SNX29: variants seen among roughly 807,000 people sequenced by gnomAD.
SNX29 encodes sorting nexin 29.
Under a neutral mutation model 102.1 loss-of-function variants are expected in SNX29, and 78 were observed. The ratio of observed to expected loss-of-function variants is 0.76; its 90% CI spans 0.64 to 0.92. SNX29 has a LOEUF of 0.92. SNX29 is among the 40% of genes least tolerant of loss of function. SNX29 has a pLI of 0.00. For synonymous variants in SNX29, 580 were observed against 414.5 expected (o/e 1.40, Z -4.85); for missense variants, 1,280 against 1,061.7 (o/e 1.21, Z -2.86).
intron 13 of SNX29, among the ~76,000 whole-genome samples, chr16:12,186,316 A>G (rs1417660258): frequency 3.3e-5 from 5 of 152,196 alleles, no homozygotes; most frequent in African/African-American, 1.2e-4. Context: ...CTTCCTGCAG[A>G]GCGACTAGTT....
At chr16:12,169,728 G>A (rs985747772) in intron 13 of SNX29, among the ~76,000 whole-genome samples, 1 of 152,116 alleles carries the variant, frequency 6.6e-6, no homozygotes, top group African/African-American at 2.4e-5. Flanking sequence ...GGGAATGGTT[G>A]TGTGTGCCTG....
At chr16:12,245,533 T>C (rs1008546812) in intron 14 of SNX29, among the ~76,000 whole-genome samples, 5 of 151,988 alleles carry the variant, frequency 3.3e-5, no homozygotes, top group African/African-American at 7.3e-5. Flanking sequence ...GTTATATTTA[T>C]GGGGCAGAAG....
At chr16:11,991,518 G>A (rs2055846527) in intron 1 of SNX29, among the ~76,000 whole-genome samples, 1 of 151,720 alleles carries the variant, frequency 6.6e-6, no homozygotes, top group Non-Finnish European at 1.5e-5. Context: ...ATAAATATAT[G>A]TAAATTTATT....
chr16:12,183,753 G>A (rs2076446890), intron 13 of SNX29, among the ~76,000 whole-genome samples: 1 of 152,218 alleles, frequency 6.6e-6, no homozygotes, highest in African/African-American at 2.4e-5. Flanking sequence ...TGAGATAGGA[G>A]GTCGGCACAA....
intron 20 of SNX29, among the ~76,000 whole-genome samples, chr16:12,532,905 C>G (rs138578891): frequency 6.6e-6 from 1 of 152,216 alleles, no homozygotes; most frequent in African/African-American, 2.4e-5. Flanking sequence ...AGCCCCAGAG[C>G]GTTAAGAACA....
intron 18 of SNX29, among the ~76,000 whole-genome samples, chr16:12,411,913 G>A (rs2084412218): frequency 1.3e-5 from 2 of 152,134 alleles, no homozygotes; most frequent in Admixed American, 6.5e-5. Flanking sequence ...GGAAGGAAAC[G>A]GAAAAAGATT....
At chr16:12,420,963 C>G (rs555110851) in intron 18 of SNX29, among the ~76,000 whole-genome samples, 1 of 152,336 alleles carries the variant, frequency 6.6e-6, no homozygotes, top group African/African-American at 2.4e-5. Context: ...GAGATAATGC[C>G]TGTTAGTCCT....
At chr16:12,102,645 C>A (rs558118051) in intron 11 of SNX29, among the ~76,000 whole-genome samples, 1 of 152,080 alleles carries the variant, frequency 6.6e-6, no homozygotes, top group East Asian at 1.9e-4. Context: ...CTTTGAAAAC[C>A]GGCACAAGAC....
intron 19 of SNX29, among the ~76,000 whole-genome samples, chr16:12,505,197 G>C (rs987319708): frequency 6.6e-6 from 1 of 152,166 alleles, no homozygotes; most frequent in Admixed American, 6.5e-5. Context: ...ATTCCATCTA[G>C]GAGTGGAACT....
At chr16:12,265,593 GC>G (rs1338961960) in intron 14 of SNX29, among the ~76,000 whole-genome samples, 1 of 151,274 alleles carries the variant, frequency 6.6e-6, no homozygotes, top group Non-Finnish European at 1.5e-5. Context: ...AGGCACAGTG[GC>G]TCATGCCTAT....
chr16:12,424,093 C>A (rs1040952339), intron 18 of SNX29, among the ~76,000 whole-genome samples: 1 of 152,194 alleles, frequency 6.6e-6, no homozygotes, highest in African/African-American at 2.4e-5. Context: ...GCCTCAGAGG[C>A]GTGATCAGAA....
rs373064558 is a variant in SNX29, at chr16:12,524,855, C to G, written c.2318+14C>G. ...GCCCTTCTTCGTGTAAGTACTGCTC[C>G]CACGGACATGGGCCGCCAGCCCTGC... On this transcript the variant is annotated intron_variant, in intron 20 of 20. Transcript: ENST00000566228. 1.9e-6 allele frequency: 3 copies of G among 1,607,254 alleles called. No homozygotes were observed. The highest frequency in any genetic ancestry group is 4.5e-5 in the East Asian group (2 of 44,626).
chr16:12,031,874 G>C (rs2057355675), intron 4 of SNX29, among the ~76,000 whole-genome samples: 1 of 152,014 alleles, frequency 6.6e-6, no homozygotes, highest in Non-Finnish European at 1.5e-5. Flanking sequence ...TACCATTTCA[G>C]CCATTTGAAG....
At chr16:12,524,422 A>G (rs529180017) in intron 19 of SNX29, among the ~76,000 whole-genome samples, 1 of 151,990 alleles carries the variant, frequency 6.6e-6, no homozygotes, top group Admixed American at 6.6e-5. Context: ...CATTCGGCAC[A>G]TTTTGGTGCC....
chr16:12,535,189 A>C lies in SNX29; in HGVS notation c.2318+10348A>C, dbSNP rs1335747865. 2.0e-5 allele frequency among the ~76,000 whole-genome samples: 3 copies of C among 152,142 alleles called. No individual in the cohort carries two copies. In the East Asian group the frequency reaches 5.8e-4, roughly 29 times the overall value. On this transcript the variant is annotated intron_variant, in intron 20 of 20. Transcript: ENST00000566228. ...AGTCTCACTCTGTCACCAAGGCTGG[A>C]GTGCAGTGGTGTGATTTCAGCTCAC...
intron 20 of SNX29, among the ~76,000 whole-genome samples, chr16:12,529,796 C>G (rs925256147): frequency 2.0e-5 from 3 of 152,300 alleles, no homozygotes; most frequent in Non-Finnish European, 4.4e-5. Flanking sequence ...CGATGCCACA[C>G]CCTGACCTGT....
chr16:12,366,910 A>C (rs1362458260), intron 16 of SNX29: 1 of 149,664 alleles, frequency 6.7e-6, no homozygotes, highest in African/African-American at 2.5e-5. Flanking sequence ...CTGTGGTTGC[A>C]ATCCTCTCCC....
At position 12,573,578 on chromosome 16, in the gene SNX29, C is replaced by T. The variant is rs999080740; in HGVS notation, c.*4949C>T. Reference sequence around the variant, plus strand: ...CTAACCGGAAAACCACTCACCCAGGCTTCCCCCACTTCCCCTCAAATTTTC... The same window carrying T: ...CTAACCGGAAAACCACTCACCCAGGTTTCCCCCACTTCCCCTCAAATTTTC... On this transcript the variant is annotated 3_prime_UTR_variant, in exon 21 of 21. Coordinates refer to ENST00000566228, the MANE Select transcript of SNX29 (RefSeq NM_032167.5). 1.3e-5 allele frequency: 3 copies of T among 222,654 alleles called. No individual in the cohort carries two copies. The highest frequency in any genetic ancestry group is 1.1e-4 in the Admixed American group (2 of 17,420). The allele number at this position is 222,654 out of a possible 1,614,324, so 13.8% of individuals were successfully genotyped here.
At chr16:11,995,920 C>T (rs753110237) in intron 1 of SNX29, among the ~76,000 whole-genome samples, 21 of 151,960 alleles carry the variant, frequency 1.4e-4, no homozygotes, top group Non-Finnish European at 2.1e-4. Context: ...ATTAGCCGGG[C>T]GTGGTGGTGC....
Sources: gnomAD v4.1 joint callset for allele counts (sites outside exome capture counted in the v4.1 genomes callset) on GRCh38, gnomAD v4.1.1 for gene constraint, MANE v1.5 for transcripts, NCBI Gene and HGNC (gene_info 2026-07-23, HGNC 2026-07-21) for gene names.